Variants in ARSK observed in about 807,000 individuals in gnomAD.
The protein encoded by ARSK is arylsulfatase family member K, also known as arylsulfatase K.
A neutral mutation model predicts 53.2 loss-of-function variants in ARSK; 37 were observed. The observed-to-expected ratio is 0.70, with a 90% confidence interval of 0.54 to 0.92. The LOEUF (loss-of-function observed/expected upper bound fraction) is 0.92, where lower values mean the gene tolerates loss of function less well. Ranked by LOEUF, ARSK falls within the 40% of genes least tolerant of loss-of-function variation. The probability of loss-of-function intolerance (pLI) is 0.00; values close to 1 mark genes in which losing one functional copy is unlikely to be tolerated. For missense variants in ARSK, 613 were observed against 643.0 expected, an observed-to-expected ratio of 0.95 and a Z score of 0.51; for synonymous variants, 208 against 223.2, an observed-to-expected ratio of 0.93 and a Z score of 0.61.
chr5:95,591,697 C>G, intron 6 of ARSK, 72 bp downstream of exon 6: 5 of 1,445,282 alleles, frequency 3.5e-6, no homozygotes, highest in Non-Finnish European at 4.9e-6. Flanking sequence ...GTCAGTGAGT[C>G]AGTCTTTCAG....
At chr5:95,580,324 T>C (rs1317569209) in intron 3 of ARSK, among the ~76,000 whole-genome samples, 4 of 152,180 alleles carry the variant, frequency 2.6e-5, no homozygotes, top group African/African-American at 7.2e-5. Context: ...TAGCAATTAC[T>C]GGTGGCGGGG....
chr5:95,577,793 T>A (rs890983575), intron 3 of ARSK, among the ~76,000 whole-genome samples: 3 of 152,172 alleles, frequency 2.0e-5, no homozygotes, highest in African/African-American at 7.2e-5. Context: ...TATTATCATA[T>A]AACCAATATA....
At chr5:95,592,363 TGAAA>T (rs1432212719) in intron 6 of ARSK, among the ~76,000 whole-genome samples, 1 of 152,196 alleles carries the variant, frequency 6.6e-6, no homozygotes, top group Non-Finnish European at 1.5e-5. Flanking sequence ...TGTTAAAATG[TGAAA>T]GAAAGATGCA....
At chr5:95,560,865 C>T (rs933541716) in intron 1 of ARSK, among the ~76,000 whole-genome samples, 10 of 144,490 alleles carry the variant, frequency 6.9e-5, no homozygotes, top group African/African-American at 2.6e-5. Flanking sequence ...AGTGCAGTGG[C>T]GCAATCTCGG....
chr5:95,581,031 C>T (rs1228842049), intron 3 of ARSK: 7 of 715,284 alleles, frequency 9.8e-6, no homozygotes, highest in Non-Finnish European at 1.4e-5. Context: ...ACTTAAGTAC[C>T]AGCAATTATG....
chr5:95,580,884 C>T, intron 3 of ARSK: 1 of 1,283,304 alleles, frequency 7.8e-7, no homozygotes, highest in South Asian at 1.2e-5. Context: ...TGTTATTTTA[C>T]ACTTTAGGCA....
chr5:95,594,626 G>T (rs530687595), intron 6 of ARSK, among the ~76,000 whole-genome samples: 3 of 152,302 alleles, frequency 2.0e-5, no homozygotes, highest in Admixed American at 2.0e-4. Context: ...TGGATCACGA[G>T]GTCAGGAGAT....
chr5:95,591,680 T>A, intron 6 of ARSK, 55 bp downstream of exon 6: 1 of 1,564,960 alleles, frequency 6.4e-7, no homozygotes, highest in Admixed American at 1.7e-5. Flanking sequence ...AGAATGCAAC[T>A]GAAGTTGTCA....
At chr5:95,591,997 T>C (rs758621025) in intron 6 of ARSK, among the ~76,000 whole-genome samples, 17 of 152,264 alleles carry the variant, frequency 1.1e-4, no homozygotes, top group Non-Finnish European at 2.4e-4. Flanking sequence ...CTATTCACTT[T>C]GAAACTAGTA....
At chr5:95,562,443 A>G (rs1457393391) in intron 1 of ARSK, among the ~76,000 whole-genome samples, 4 of 152,140 alleles carry the variant, frequency 2.6e-5, no homozygotes, top group African/African-American at 9.7e-5. Context: ...AGTCTGATGG[A>G]CAGATCTGGG....
At chr5:95,569,344 T>A (rs1452578719) in intron 3 of ARSK, among the ~76,000 whole-genome samples, 1 of 151,920 alleles carries the variant, frequency 6.6e-6, no homozygotes. Context: ...ATGTAGTGAG[T>A]TGAATAATGT....
At chr5:95,579,598 T>A (rs1267839005) in intron 3 of ARSK, among the ~76,000 whole-genome samples, 1 of 152,118 alleles carries the variant, frequency 6.6e-6, no homozygotes, top group Non-Finnish European at 1.5e-5. Flanking sequence ...ATGTTGCTGG[T>A]CCATGGACCA....
At chr5:95,570,812 C>T (rs907100345) in intron 3 of ARSK, among the ~76,000 whole-genome samples, 2 of 149,346 alleles carry the variant, frequency 1.3e-5, no homozygotes, top group African/African-American at 2.5e-5. Context: ...GACACAGTCT[C>T]GCTCTGTCAC....
chr5:95,569,101 G>A (rs961170997), intron 3 of ARSK, among the ~76,000 whole-genome samples: 1 of 152,144 alleles, frequency 6.6e-6, no homozygotes, highest in Non-Finnish European at 1.5e-5. Context: ...CATGAGCGCA[G>A]CTGTATTCTG....
At chr5:95,587,126 A>G (rs1749127229) in intron 5 of ARSK, among the ~76,000 whole-genome samples, 1 of 152,154 alleles carries the variant, frequency 6.6e-6, no homozygotes, top group African/African-American at 2.4e-5. Flanking sequence ...TGACTCCCCA[A>G]AACTTATAAT....
chr5:95,567,057 C>T (rs1311601448), intron 2 of ARSK, among the ~76,000 whole-genome samples: 3 of 152,148 alleles, frequency 2.0e-5, no homozygotes, highest in Non-Finnish European at 4.4e-5. Context: ...GGATGCTAAT[C>T]CTCAAGCAAG....
intron 1 of ARSK, chr5:95,556,449 T>G: frequency 1.8e-6 from 1 of 543,658 alleles, no homozygotes; most frequent in South Asian, 2.3e-5. Flanking sequence ...GTATGGTGCT[T>G]CAGAGCTGCT....
intron 1 of ARSK, among the ~76,000 whole-genome samples, chr5:95,559,333 T>TA (rs1415589030): frequency 6.6e-6 from 1 of 152,100 alleles, no homozygotes; most frequent in Non-Finnish European, 1.5e-5. Context: ...TATATGGTAT[T>TA]TATGGGATGT....
chr5:95,576,611 G>A (rs752624656), intron 3 of ARSK, among the ~76,000 whole-genome samples: 13 of 151,844 alleles, frequency 8.6e-5, no homozygotes, highest in East Asian at 3.9e-4. Flanking sequence ...GGAACCGGGC[G>A]CAGTAGCTCA....
Sources: gnomAD v4.1 joint callset for allele counts (sites outside exome capture counted in the v4.1 genomes callset) on GRCh38, gnomAD v4.1.1 for gene constraint, MANE v1.5 for transcripts, NCBI Gene and HGNC (gene_info 2026-07-23, HGNC 2026-07-21) for gene names.